ZNF804A: variants seen among roughly 807,000 people sequenced by gnomAD.
ZNF804A encodes zinc finger protein 804A.
Under a neutral mutation model 16.5 loss-of-function variants are expected in ZNF804A, and 2 were observed. The observed-to-expected ratio is 0.12, with a 90% CI of 0.05 to 0.38. The LOEUF (loss-of-function observed/expected upper bound fraction) is 0.38. Ranked by LOEUF, ZNF804A falls within the 10% of genes least tolerant of loss-of-function variation. The pLI, the probability that ZNF804A is intolerant of heterozygous loss-of-function variation, is 0.99. For missense variants in ZNF804A, 1,473 were observed against 1,390.7 expected (o/e 1.06, Z -0.94); for synonymous variants, 534 against 489.6 (o/e 1.09, Z -1.20).
chr2:184,800,810 A>G lies in ZNF804A; in HGVS notation c.112-65559A>G, dbSNP rs114458657. Reference sequence around the variant, plus strand: ...TAGAGTTCATTTTATTTATTTATAAACCATATAACCACCCAATATATAGTC... The same window carrying G: ...TAGAGTTCATTTTATTTATTTATAAGCCATATAACCACCCAATATATAGTC... On this transcript the variant is annotated intron_variant, in intron 1 of 3. Transcript: ENST00000302277. Among the ~76,000 whole-genome samples the G allele has an allele frequency of 7.6e-3, 1,160 of 152,144 alleles. 18 individuals are homozygous for G. Among genetic ancestry groups the G allele is most frequent in the African/African-American group, 0.027 (1,104 of 41,572 alleles).
chr2:184,691,878 G>A (rs1692736127), intron 1 of ZNF804A, among the ~76,000 whole-genome samples: 1 of 151,902 alleles, frequency 6.6e-6, no homozygotes, highest in Admixed American at 6.6e-5. Flanking sequence ...AAAAGAACTG[G>A]AACAGATTAA....
intron 1 of ZNF804A, among the ~76,000 whole-genome samples, chr2:184,686,831 G>T (rs1470612276): frequency 6.6e-6 from 1 of 152,144 alleles, no homozygotes; most frequent in Non-Finnish European, 1.5e-5. Context: ...TTGGCTGCTT[G>T]TATGTCTTCT....
intron 2 of ZNF804A, among the ~76,000 whole-genome samples, chr2:184,867,507 C>T (rs763105824): frequency 2.0e-5 from 3 of 151,998 alleles, no homozygotes; most frequent in Non-Finnish European, 4.4e-5. Context: ...GTCGTTCATA[C>T]CAACTACACT....
Position 184,938,379 on chromosome 2 carries a change from A to C in ZNF804A, c.2983A>C (p.Asn995His). ...GACACCAACTGAGTGGCTGCGTTAT[A>C]ATTCAGGAATCCTTAACACACAACC... ...NETPTEWLRY[N>H]SGILNTQPPL... Residue 995 changes from asparagine (N) to histidine (H), a missense_variant, in exon 4 of 4, where the codon AAT (asparagine) becomes CAT (histidine). Physicochemically the swap from Asn to His is moderately conservative, Grantham distance 68 (BLOSUM62 1). Transcript: ENST00000302277. 1 of 1,614,160 alleles carries C rather than the reference A, an allele frequency of 6.2e-7. No homozygotes were observed.
At chr2:184,672,313 G>A (rs1269146768) in intron 1 of ZNF804A, among the ~76,000 whole-genome samples, 2 of 152,202 alleles carry the variant, frequency 1.3e-5, no homozygotes, top group Admixed American at 6.5e-5. Flanking sequence ...TGGACCATGA[G>A]TCCAGAATCT....
intron 1 of ZNF804A, among the ~76,000 whole-genome samples, chr2:184,690,175 A>C (rs996494001): frequency 4.1e-5 from 6 of 146,958 alleles, no homozygotes; most frequent in African/African-American, 1.6e-4. Context: ...GCAGCATTGC[A>C]TTAAGAAAGT....
intron 1 of ZNF804A, among the ~76,000 whole-genome samples, chr2:184,626,710 G>C (rs17430600): frequency 0.018 from 2,661 of 152,014 alleles, 55 homozygotes; most frequent in African/African-American, 0.06. Flanking sequence ...TAGAATGTTT[G>C]TTTTAAATAA....
intron 1 of ZNF804A, among the ~76,000 whole-genome samples, chr2:184,754,993 G>C (rs951972234): frequency 6.6e-6 from 1 of 151,816 alleles, no homozygotes; most frequent in Admixed American, 6.6e-5. Flanking sequence ...CTGCCCCCAT[G>C]ATCAATCACC....
intron 1 of ZNF804A, among the ~76,000 whole-genome samples, chr2:184,641,885 G>A (rs571606739): frequency 6.6e-6 from 1 of 152,246 alleles, no homozygotes; most frequent in East Asian, 1.9e-4. Context: ...AAATATTTTT[G>A]TATTAATGTA....
At chr2:184,928,576 C>T (rs1292729988) in intron 2 of ZNF804A, among the ~76,000 whole-genome samples, 2 of 152,082 alleles carry the variant, frequency 1.3e-5, no homozygotes, top group South Asian at 2.1e-4. Context: ...AGCAATAGCA[C>T]TTGCCTAGGA....
chr2:184,811,541 C>G (rs1404647129), intron 1 of ZNF804A, among the ~76,000 whole-genome samples: 3 of 152,044 alleles, frequency 2.0e-5, no homozygotes. Flanking sequence ...ATAGTACCAG[C>G]ATTGGGATAG....
chr2:184,835,531 C>T (rs931002942), intron 1 of ZNF804A, among the ~76,000 whole-genome samples: 8 of 152,038 alleles, frequency 5.3e-5, no homozygotes, highest in Non-Finnish European at 7.4e-5. Flanking sequence ...CCTGTTTCAG[C>T]TAATTGTTAA....
At chr2:184,603,908 C>G (rs1691089650) in intron 1 of ZNF804A, among the ~76,000 whole-genome samples, 1 of 151,940 alleles carries the variant, frequency 6.6e-6, no homozygotes, top group African/African-American at 2.4e-5. Context: ...ACTACATGTC[C>G]TTTTTCAGAA....
intron 1 of ZNF804A, among the ~76,000 whole-genome samples, chr2:184,691,278 A>G (rs1023540653): frequency 6.6e-6 from 1 of 152,000 alleles, no homozygotes; most frequent in Non-Finnish European, 1.5e-5. Flanking sequence ...AACTTTGCCT[A>G]TCTCTTTTTT....
intron 1 of ZNF804A, among the ~76,000 whole-genome samples, chr2:184,737,828 A>G (rs1693651896): frequency 6.6e-6 from 1 of 152,160 alleles, no homozygotes; most frequent in Admixed American, 6.5e-5. Flanking sequence ...AAAAATAAAG[A>G]AAATATCAGA....
chr2:184,860,891 C>T (rs1695789862), intron 1 of ZNF804A, among the ~76,000 whole-genome samples: 2 of 152,206 alleles, frequency 1.3e-5, no homozygotes, highest in South Asian at 4.1e-4. Flanking sequence ...AGTCTTGGGT[C>T]TCTGGGGTTG....
intron 1 of ZNF804A, among the ~76,000 whole-genome samples, chr2:184,746,809 T>C (rs1559140449): frequency 1.3e-5 from 2 of 151,554 alleles, no homozygotes; most frequent in African/African-American, 4.8e-5. Flanking sequence ...AACATTTTTC[T>C]TTCTGTTCCT....
At chr2:184,715,759 T>G (rs571653767) in intron 1 of ZNF804A, among the ~76,000 whole-genome samples, 1 of 152,194 alleles carries the variant, frequency 6.6e-6, no homozygotes, top group South Asian at 2.1e-4. Context: ...TTTCTATAAC[T>G]TTATCAATTT....
intron 1 of ZNF804A, among the ~76,000 whole-genome samples, chr2:184,844,162 A>G (rs1038061853): frequency 6.7e-6 from 1 of 150,112 alleles, no homozygotes; most frequent in Non-Finnish European, 1.5e-5. Context: ...GCAAGAGAGT[A>G]TTCCTAATTA....
Sources: gnomAD v4.1 joint callset for allele counts (sites outside exome capture counted in the v4.1 genomes callset) on GRCh38, gnomAD v4.1.1 for gene constraint, MANE v1.5 for transcripts, NCBI Gene and HGNC (gene_info 2026-07-23, HGNC 2026-07-21) for gene names.